The following ZYG11A variants were observed in gnomAD, a reference collection of about 807,000 sequenced individuals.
ZYG11A encodes the protein zyg-11 family member A, cell cycle regulator.
In ZYG11A, 62 loss-of-function variants were observed where a neutral mutation model predicts 77.2. The ratio of observed to expected loss-of-function variants is 0.80; its 90% CI spans 0.65 to 0.99. ZYG11A has a LOEUF of 0.99. ZYG11A is among the 50% of genes least tolerant of loss of function. The pLI is 0.00. For synonymous variants in ZYG11A, 315 were observed against 324.6 expected (o/e 0.97, Z 0.32); for missense variants, 828 against 896.8 (o/e 0.92, Z 0.98).
chr1:52,883,157 T>C (rs1018859082), intron 11 of ZYG11A, among the ~76,000 whole-genome samples: 33 of 152,222 alleles, frequency 2.2e-4, no homozygotes, highest in African/African-American at 6.3e-4. Context: ...CACTCTGTTG[T>C]CCAGGCTGGA....
rs1275854541 is a variant in ZYG11A at position 52,845,418 on chromosome 1, G to A, written c.90+2445G>A. Among the ~76,000 whole-genome samples, 46 of 150,278 alleles carry A rather than the reference G, an allele frequency of 3.1e-4. 1 individual carries two copies. In the Admixed American group the frequency reaches 3.1e-3, roughly 10 times the overall value. Reference sequence around the variant, plus strand: ...CCTCCCGGGTTCAAGCGATTCTCTCGCCTCAGCCTCCTGAGTAGCTGGGAC... The same window carrying A: ...CCTCCCGGGTTCAAGCGATTCTCTCACCTCAGCCTCCTGAGTAGCTGGGAC... On this transcript the variant is annotated intron_variant, in intron 1 of 13. Transcript: ENST00000371528.
Position 52,842,851 on chromosome 1 carries a change from C to T in ZYG11A, c.-33C>T, listed in dbSNP as rs1645473811. 6.6e-7 allele frequency: 1 copy of T among 1,524,110 alleles called. No individual in the cohort carries two copies. The highest frequency in any genetic ancestry group is 8.8e-7 in the Non-Finnish European group (1 of 1,134,530). 94.4% of individuals were successfully genotyped at this position (1,524,110 alleles called of 1,614,324 possible). A position where few individuals can be genotyped will look rare whatever the true frequency, so the allele number is the denominator to read the frequency against. Reference sequence around the variant, plus strand: ...GATCCGGGCTCCGGCTCGACGCCGGCTCTCTTTTTGACGCCCCGCCGCCGG... The same window carrying T: ...GATCCGGGCTCCGGCTCGACGCCGGTTCTCTTTTTGACGCCCCGCCGCCGG... On this transcript the variant is annotated 5_prime_UTR_variant, in exon 1 of 14. Transcript: ENST00000371528.
rs1645859976 is a variant in ZYG11A, at chr1:52,858,453, G to A, written c.1008+704G>A. Among the ~76,000 whole-genome samples the A allele has an allele frequency of 2.0e-5, 3 of 151,164 alleles. No homozygotes were observed. In the South Asian group the frequency reaches 6.3e-4, roughly 32 times the overall value. On this transcript the variant is annotated intron_variant, in intron 3 of 13. Coordinates refer to ENST00000371528, the MANE Select transcript of ZYG11A (RefSeq NM_001004339.3). ...CCCGAGTAGCTGGGACTACAGGCAC[G>A]TGCCACCATGCCCAGCTAGTTTTTT...
intron 8 of ZYG11A, among the ~76,000 whole-genome samples, chr1:52,868,209 G>C (rs904938155): frequency 6.6e-6 from 1 of 151,420 alleles, no homozygotes; most frequent in Non-Finnish European, 1.5e-5. Flanking sequence ...CGTGATCTGC[G>C]TGCCTCGGCA....
At chr1:52,864,913 A>C (rs1645997226) in intron 5 of ZYG11A, among the ~76,000 whole-genome samples, 1 of 151,758 alleles carries the variant, frequency 6.6e-6, no homozygotes, top group Non-Finnish European at 1.5e-5. Context: ...GGTGTCCCAA[A>C]ATTCTGGGAT....
At position 52,850,370 on chromosome 1, in the gene ZYG11A, G is replaced by A. The variant is rs576348400; in HGVS notation, c.91-4095G>A. 2.8e-4 allele frequency among the ~76,000 whole-genome samples: 42 copies of A among 150,020 alleles called. No individual in the cohort carries two copies. In the South Asian group the frequency reaches 7.8e-3, roughly 28 times the overall value. On this transcript the variant is annotated intron_variant, in intron 1 of 13. Transcript: ENST00000371528. Reference sequence around the variant, plus strand: ...GTCTCATTCTGTTGCCCAGGTTGGCGTGCGGTGGAGTGATCTCAGCTCACT... The same window carrying A: ...GTCTCATTCTGTTGCCCAGGTTGGCATGCGGTGGAGTGATCTCAGCTCACT...
At chr1:52,843,077 T>C in intron 1 of ZYG11A, 104 bp downstream of exon 1, 12 of 1,007,074 alleles carry the variant, frequency 1.2e-5, no homozygotes, top group Non-Finnish European at 1.6e-5. Flanking sequence ...TGCTGGGGAG[T>C]GTGGCCCGCG....
chr1:52,888,988 A>C (rs1646492454), intron 13 of ZYG11A, among the ~76,000 whole-genome samples: 2 of 152,234 alleles, frequency 1.3e-5, no homozygotes, highest in Admixed American at 1.3e-4. Context: ...TTATAACAGG[A>C]GAAACTAACC....
chr1:52,856,035 G>A (rs1645803938), intron 2 of ZYG11A, among the ~76,000 whole-genome samples: 1 of 152,160 alleles, frequency 6.6e-6, no homozygotes, highest in African/African-American at 2.4e-5. Flanking sequence ...TTGAGGAACT[G>A]CCAGACTATT....
chr1:52,880,326 CT>C (rs1256882674), intron 10 of ZYG11A, among the ~76,000 whole-genome samples: 1 of 151,976 alleles, frequency 6.6e-6, no homozygotes, highest in Admixed American at 6.6e-5. Context: ...CTAGAGTGTG[CT>C]TTCCTGAATG....
At chr1:52,860,194 G>A (rs1571848547) in intron 3 of ZYG11A, among the ~76,000 whole-genome samples, 2 of 152,162 alleles carry the variant, frequency 1.3e-5, no homozygotes, top group African/African-American at 2.4e-5. Flanking sequence ...GAAAATTGCC[G>A]TTTAATAACG....
At chr1:52,873,384 A>T (rs1646204820) in intron 8 of ZYG11A, among the ~76,000 whole-genome samples, 1 of 152,218 alleles carries the variant, frequency 6.6e-6, no homozygotes, top group Non-Finnish European at 1.5e-5. Context: ...GGAGTTCAGA[A>T]GTTGATTGGA....
chr1:52,889,935 G>T (rs967746915), intron 13 of ZYG11A, among the ~76,000 whole-genome samples: 1 of 151,360 alleles, frequency 6.6e-6, no homozygotes, highest in East Asian at 2.0e-4. Flanking sequence ...GGATGGTCTC[G>T]ATCTCCGGAC....
intron 4 of ZYG11A, among the ~76,000 whole-genome samples, chr1:52,863,625 C>G (rs1239347553): frequency 6.6e-6 from 1 of 152,214 alleles, no homozygotes. Context: ...ATTACTGTCA[C>G]AAGGCTTTAT....
chr1:52,882,431 C>T (rs1333455442), intron 11 of ZYG11A, among the ~76,000 whole-genome samples: 2 of 152,100 alleles, frequency 1.3e-5, no homozygotes, highest in African/African-American at 2.4e-5. Flanking sequence ...TTTTGTACAC[C>T]GTATATGGTG....
At chr1:52,868,273 C>G (rs1445732038) in intron 8 of ZYG11A, among the ~76,000 whole-genome samples, 3 of 152,000 alleles carry the variant, frequency 2.0e-5, no homozygotes, top group African/African-American at 7.2e-5. Flanking sequence ...CATACCTCCA[C>G]ATTTCTAAAT....
intron 1 of ZYG11A, among the ~76,000 whole-genome samples, chr1:52,845,923 CT>C (rs1645567102): frequency 6.6e-6 from 1 of 152,074 alleles, no homozygotes; most frequent in Non-Finnish European, 1.5e-5. Context: ...TCCCAAAGTT[CT>C]GGGATTCCAG....
chr1:52,877,659 C>A, intron 8 of ZYG11A, 23 bp from the exon 9 acceptor site: 1 of 1,538,876 alleles, frequency 6.5e-7, no homozygotes, highest in Non-Finnish European at 8.8e-7. Flanking sequence ...ATCTAACTCC[C>A]TCCCTGTCTC....
In ZYG11A at chr1:52,885,872, A is replaced by G. The variant is rs768834203; in HGVS notation, c.1984A>G (p.Met662Val). The G allele has an allele frequency of 5.0e-5, 77 of 1,548,394 alleles. No individual in the cohort carries two copies. The highest frequency in any genetic ancestry group is 3.3e-4 in the Middle Eastern group (2 of 5,982). Reference sequence around the variant, plus strand: ...GAATTGGCCAAGTTCAAGTTGTAAGATGACAGCATTGGTGACCTATAGGTA... The same window carrying G: ...GAATTGGCCAAGTTCAAGTTGTAAGGTGACAGCATTGGTGACCTATAGGTA... ...IQNWPSSSCKMTALVTYRSFK... is the reference protein window; with the variant it reads ...IQNWPSSSCKVTALVTYRSFK... The change falls in exon 12 of 14, where the codon ATG becomes GTG. Residue 662 changes from methionine (M) to valine (V), a missense_variant. Met to Val is a conservative substitution (Grantham distance 21). Transcript: ENST00000371528.
Sources: gnomAD v4.1 joint callset for allele counts (sites outside exome capture counted in the v4.1 genomes callset) on GRCh38, gnomAD v4.1.1 for gene constraint, MANE v1.5 for transcripts, NCBI Gene and HGNC (gene_info 2026-07-23, HGNC 2026-07-21) for gene names.